Variants in TMEM225B observed in about 807,000 individuals in gnomAD.
The protein encoded by TMEM225B is transmembrane protein 225B, also known as transmembrane protein 225-like.
TMEM225B carries 10 observed loss-of-function variants against 16.9 expected under a neutral mutation model. The observed-to-expected ratio is 0.59, with a 90% CI of 0.36 to 1.00. The LOEUF is 1.00. Among genes scored for constraint, TMEM225B ranks in the 50% least tolerant of loss-of-function variants. The pLI, the probability that TMEM225B is intolerant of heterozygous loss-of-function variation, is 0.01. For missense variants in TMEM225B, 217 were observed against 267.0 expected, an observed-to-expected ratio of 0.81 and a Z score of 1.30; for synonymous variants, 92 against 109.8, an observed-to-expected ratio of 0.84 and a Z score of 1.01.
chr7:99,602,012 G>A (rs747449588), intron 2 of TMEM225B, among the ~76,000 whole-genome samples: 3 of 152,226 alleles, frequency 2.0e-5, no homozygotes, highest in Non-Finnish European at 4.4e-5. Flanking sequence ...CTTGAAAACC[G>A]TGATGCTGCC....
At position 99,610,853 on chromosome 7, in the gene TMEM225B, AG is replaced by A; in HGVS notation, c.*291del. 1 of 284,676 alleles carries A rather than the reference AG, an allele frequency of 3.5e-6. No homozygotes were observed. Among genetic ancestry groups the A allele is most frequent in the Non-Finnish European group, 6.7e-6 (1 of 148,762 alleles). 17.6% of individuals were successfully genotyped at this position (284,676 alleles called of 1,614,324 possible). Reference sequence around the variant, plus strand: ...TCCATATCTCAAAAACCAAGTCCGCAGGGCAGGAGGGGAGGGAGGAATATTA... The same window carrying A: ...TCCATATCTCAAAAACCAAGTCCGCAGGCAGGAGGGGAGGGAGGAATATTA... On this transcript the variant is annotated 3_prime_UTR_variant, in exon 6 of 6. Transcript: ENST00000431679.
chr7:99,606,055 T>C (rs1486888841), intron 3 of TMEM225B, among the ~76,000 whole-genome samples: 1 of 152,174 alleles, frequency 6.6e-6, no homozygotes, highest in Non-Finnish European at 1.5e-5. Flanking sequence ...ATCACAAGAG[T>C]TTGATTTTGT....
At chr7:99,606,979 T>A (rs1805871593) in intron 4 of TMEM225B, 85 bp downstream of exon 4, 28 of 1,428,474 alleles carry the variant, frequency 2.0e-5, no homozygotes, top group South Asian at 3.9e-5. Flanking sequence ...CTCTGTGATG[T>A]CAAAAGAGGC....
chr7:99,604,684 C>T, intron 3 of TMEM225B, 88 bp downstream of exon 3: 1 of 1,068,262 alleles, frequency 9.4e-7, no homozygotes, highest in South Asian at 1.4e-5. Context: ...AGGGTGGGAG[C>T]AGAGAGGACA....
At chr7:99,599,091 C>T (rs1805103978) in intron 1 of TMEM225B, among the ~76,000 whole-genome samples, 1 of 151,318 alleles carries the variant, frequency 6.6e-6, no homozygotes, top group African/African-American at 2.4e-5. Flanking sequence ...TCCTGAGTAG[C>T]TGGGACTACA....
intron 3 of TMEM225B, among the ~76,000 whole-genome samples, chr7:99,606,520 G>A (rs1000203657): frequency 4.7e-4 from 71 of 152,270 alleles, no homozygotes; most frequent in African/African-American, 1.7e-3. Context: ...GTCTGACATT[G>A]TCAATTTAAT....
rs1264660209 is a variant in TMEM225B, at chr7:99,610,761, C to T, written c.*196C>T. On this transcript the variant is annotated 3_prime_UTR_variant, in exon 6 of 6. Transcript: ENST00000431679. ...TGAAATTTGCTAAAAGTCCTTTCAACTCTTCTGAGCTTCCTAAGTGACGTT... is the reference window on the plus strand; with the variant it reads ...TGAAATTTGCTAAAAGTCCTTTCAATTCTTCTGAGCTTCCTAAGTGACGTT... 6 of 461,080 alleles carry T rather than the reference C, an allele frequency of 1.3e-5. No individual in the cohort carries two copies. Among genetic ancestry groups the T allele is most frequent in the Non-Finnish European group, 2.3e-5 (6 of 259,408 alleles). 28.6% of individuals were successfully genotyped at this position (461,080 alleles called of 1,614,324 possible).
rs570783831 is a variant in TMEM225B at position 99,607,604 on chromosome 7, G to C, written c.356-69G>C. The C allele has an allele frequency of 2.7e-4, 397 of 1,457,632 alleles. 1 individual carries two copies. The highest frequency in any genetic ancestry group is 4.9e-4 in the Admixed American group (21 of 42,602). 90.3% of individuals were successfully genotyped at this position (1,457,632 alleles called of 1,614,324 possible). ...AGGAGCCTCCAGGCAGGAGCCACAG[G>C]GGGTGAAGTTTGGAGGGAAGGCGGG... On this transcript the variant is annotated intron_variant, in intron 4 of 5. Transcript: ENST00000431679.
intron 5 of TMEM225B, among the ~76,000 whole-genome samples, chr7:99,609,021 G>A (rs1163174325): frequency 2.6e-5 from 4 of 151,682 alleles, no homozygotes; most frequent in Non-Finnish European, 5.9e-5. Context: ...ACAAAAATTA[G>A]CTGGGTATGG....
intron 3 of TMEM225B, 129 bp from the exon 4 acceptor site, chr7:99,606,619 C>T: frequency 1.2e-6 from 1 of 801,588 alleles, no homozygotes; most frequent in Non-Finnish European, 1.9e-6. Flanking sequence ...CAACCTTGGT[C>T]CCAAGGCCAT....
chr7:99,610,481 G>C lies in TMEM225B; in HGVS notation c.582G>C (p.Leu194=). 1 of 1,536,124 alleles carries C rather than the reference G, an allele frequency of 6.5e-7. No homozygotes were observed. Among genetic ancestry groups the C allele is most frequent in the Non-Finnish European group, 8.7e-7 (1 of 1,146,894 alleles). ...GTATGGAGGAGGACCACGGGAGCCT[G>C]TACCTGGACAATCTGGAGAGTTTGG... ...SQSMEEDHGS[L]YLDNLESLGG... Residue 194 remains leucine (L), a synonymous_variant, in exon 6 of 6, where the codon CTG becomes CTC. Coordinates refer to ENST00000431679, the MANE Select transcript of TMEM225B (RefSeq NM_001195541.3).
At chr7:99,607,288 C>A (rs1205211325) in intron 4 of TMEM225B, among the ~76,000 whole-genome samples, 2 of 152,180 alleles carry the variant, frequency 1.3e-5, no homozygotes, top group African/African-American at 2.4e-5. Flanking sequence ...ACCACTGCAC[C>A]TGGCCCCTTT....
Position 99,610,868 on chromosome 7 carries a change from G to A in TMEM225B, c.*303G>A. 1 of 255,122 alleles carries A rather than the reference G, an allele frequency of 3.9e-6. No individual in the cohort carries two copies. The highest frequency in any genetic ancestry group is 7.6e-6 in the Non-Finnish European group (1 of 130,752). The allele number at this position is 255,122 out of a possible 1,614,324, so 15.8% of individuals were successfully genotyped here. A position where few individuals can be genotyped will look rare whatever the true frequency, so the allele number is the denominator to read the frequency against. ...CCAAGTCCGCAGGGCAGGAGGGGAG[G>A]GAGGAATATTACAAGATAACCAAGT... On this transcript the variant is annotated 3_prime_UTR_variant, in exon 6 of 6. Coordinates refer to ENST00000431679, the MANE Select transcript of TMEM225B (RefSeq NM_001195541.3).
chr7:99,608,704 T>A (rs1806031570), intron 5 of TMEM225B, among the ~76,000 whole-genome samples: 1 of 135,974 alleles, frequency 7.4e-6, no homozygotes, highest in African/African-American at 3.3e-5. Context: ...CATGGCCAGC[T>A]AGTTAAAAAA....
chr7:99,606,842 C>T lies in TMEM225B; in HGVS notation c.303C>T (p.Phe101=). The T allele has an allele frequency of 1.3e-6, 2 of 1,536,098 alleles. No homozygotes were observed. Among genetic ancestry groups the T allele is most frequent in the Non-Finnish European group, 1.7e-6 (2 of 1,146,882 alleles). ...TGATGCCCTTTGCATCCGAGTTCTT[C>T]CCGAGGACCTGGAAGCAAAACTTTG... ...FIMMPFASEF[F]PRTWKQNFVL... Residue 101 remains phenylalanine (F), a synonymous_variant, in exon 4 of 6, where the codon TTC becomes TTT. Transcript: ENST00000431679.
chr7:99,601,416 A>G (rs1805350126), intron 2 of TMEM225B, among the ~76,000 whole-genome samples: 1 of 152,054 alleles, frequency 6.6e-6, no homozygotes, highest in African/African-American at 2.4e-5. Flanking sequence ...ACATAGTTAG[A>G]CCCCTGTCTC....
At chr7:99,605,010 AACAACAACAAC>A (rs1562953575) in intron 3 of TMEM225B, among the ~76,000 whole-genome samples, 1 of 151,508 alleles carries the variant, frequency 6.6e-6, no homozygotes, top group African/African-American at 2.4e-5. Context: ...CAACAACAAC[AACAACAACAAC>A]AACAACAACA....
chr7:99,604,765 G>A (rs1056238199), intron 3 of TMEM225B, among the ~76,000 whole-genome samples, 169 bp downstream of exon 3: 1 of 152,150 alleles, frequency 6.6e-6, no homozygotes, highest in South Asian at 2.1e-4. Context: ...AGGCCGAAGC[G>A]AGAGGATTGC....
intron 3 of TMEM225B, among the ~76,000 whole-genome samples, chr7:99,606,097 T>C (rs552545325): frequency 7.9e-5 from 12 of 152,232 alleles, no homozygotes; most frequent in Admixed American, 7.9e-4. Flanking sequence ...TTTCCCCTAG[T>C]GGATGATACA....
Sources: allele counts gnomAD v4.1 joint callset (sites outside exome capture counted in the v4.1 genomes callset), GRCh38; gene constraint gnomAD v4.1.1; transcripts MANE v1.5; gene names NCBI Gene and HGNC (gene_info 2026-07-23, HGNC 2026-07-21).